Variants in DCLK2 observed in about 807,000 individuals in gnomAD.
DCLK2 encodes doublecortin like kinase 2.
Under a neutral mutation model 78.4 loss-of-function variants are expected in DCLK2, and 31 were observed. That is an observed-to-expected ratio of 0.40 (90% CI 0.30 to 0.53). The LOEUF is 0.53. Ranked by LOEUF, DCLK2 falls within the 20% of genes least tolerant of loss-of-function variation. DCLK2 has a pLI of 0.61. For missense variants in DCLK2, 872 were observed against 973.7 expected (o/e 0.90, Z 1.39); for synonymous variants, 407 against 374.9 (o/e 1.09, Z -0.99).
chr4:150,097,311 A>C (rs1443431797), intron 1 of DCLK2, among the ~76,000 whole-genome samples: 1 of 151,594 alleles, frequency 6.6e-6, no homozygotes, highest in Non-Finnish European at 1.5e-5. Context: ...ACAGGCATGC[A>C]CCACCACTTG....
intron 5 of DCLK2, among the ~76,000 whole-genome samples, chr4:150,218,096 C>A (rs1393737151): frequency 6.8e-6 from 1 of 148,148 alleles, no homozygotes; most frequent in Non-Finnish European, 1.5e-5. Flanking sequence ...CGCCCCCCCT[C>A]CCCCCACAAC....
chr4:150,088,161 A>G lies in DCLK2; in HGVS notation c.421+8713A>G, dbSNP rs145269256. ...TCTTTACTTAATAGTATTTTGCCTT[A>G]TCTGCTGAAGAATCAAGAAAAAAGG... On this transcript the variant is annotated intron_variant, in intron 1 of 15. Transcript: ENST00000296550. Among the ~76,000 whole-genome samples, 98 of 152,300 alleles carry G rather than the reference A, an allele frequency of 6.4e-4. No homozygotes were observed. In the Middle Eastern group the frequency reaches 0.01, roughly 16 times the overall value.
At chr4:150,138,277 A>G (rs542840234) in intron 2 of DCLK2, among the ~76,000 whole-genome samples, 36 of 152,290 alleles carry the variant, frequency 2.4e-4, no homozygotes, top group African/African-American at 8.7e-4. Context: ...ATGTTGTGCA[A>G]GGTAGGTAAT....
chr4:150,203,901 G>T lies in DCLK2; in HGVS notation c.1056+12G>T. On this transcript the variant is annotated intron_variant, in intron 5 of 15. Coordinates refer to ENST00000296550, the MANE Select transcript of DCLK2 (RefSeq NM_001040260.4). ...TCAGAGGATTAAAGGTATGAAATAG[G>T]ATATGTGGCATATTTGTGTGATTTT... The T allele has an allele frequency of 6.3e-7, 1 of 1,593,934 alleles. No individual in the cohort carries two copies. Among genetic ancestry groups the T allele is most frequent in the Non-Finnish European group, 8.6e-7 (1 of 1,162,328 alleles).
chr4:150,137,692 G>T (rs1023582208), intron 2 of DCLK2, among the ~76,000 whole-genome samples: 1 of 152,146 alleles, frequency 6.6e-6, no homozygotes, highest in Non-Finnish European at 1.5e-5. Flanking sequence ...TATAAATAAA[G>T]GATTAAGAGT....
At chr4:150,239,578 G>A (rs760670095) in intron 10 of DCLK2, among the ~76,000 whole-genome samples, 164 bp from the exon 11 acceptor site, 14 of 151,946 alleles carry the variant, frequency 9.2e-5, no homozygotes, top group Non-Finnish European at 1.6e-4. Flanking sequence ...TCCAGCCTGG[G>A]CAACAAAGCG....
intron 2 of DCLK2, among the ~76,000 whole-genome samples, chr4:150,181,880 T>A (rs1737555747): frequency 6.6e-6 from 1 of 152,164 alleles, no homozygotes. Context: ...GGGCTATTTA[T>A]GCTCATTGTA....
At chr4:150,197,709 G>A (rs1013445574) in intron 3 of DCLK2, among the ~76,000 whole-genome samples, 10 of 151,508 alleles carry the variant, frequency 6.6e-5, no homozygotes, top group African/African-American at 2.2e-4. Context: ...GAGCAGAATC[G>A]CTTGAACCTG....
intron 12 of DCLK2, among the ~76,000 whole-genome samples, chr4:150,242,581 A>G (rs958693808): frequency 6.6e-6 from 1 of 152,158 alleles, no homozygotes. Context: ...CCACTTGCAC[A>G]CCTGGTAGGT....
chr4:150,079,240 C>CTT lies in DCLK2; in HGVS notation c.213_214insTT (p.Lys72LeufsTer34). The CTT allele has an allele frequency of 6.2e-7, 1 of 1,609,298 alleles. No individual in the cohort carries two copies. Among genetic ancestry groups the CTT allele is most frequent in the Non-Finnish European group, 8.5e-7 (1 of 1,178,006 alleles). ...AGGCCCTCAGCTCGGAGAAGAAGGCCAAGAAGGCGCGCTTCTACCGGAACG... is the reference window on the plus strand; with the variant it reads ...AGGCCCTCAGCTCGGAGAAGAAGGCCTTAAGAAGGCGCGCTTCTACCGGAACG... On this transcript the variant is annotated frameshift_variant, in exon 1 of 16. Transcript: ENST00000296550. LOFTEE classifies it high-confidence loss of function.
At chr4:150,174,368 T>C (rs1736789346) in intron 2 of DCLK2, among the ~76,000 whole-genome samples, 1 of 152,120 alleles carries the variant, frequency 6.6e-6, no homozygotes, top group Non-Finnish European at 1.5e-5. Flanking sequence ...AGGAAGAGTA[T>C]AGAGGCAGTG....
At chr4:150,141,066 C>CTTTGGGTGT (rs1402324387) in intron 2 of DCLK2, among the ~76,000 whole-genome samples, 1 of 152,148 alleles carries the variant, frequency 6.6e-6, no homozygotes, top group African/African-American at 2.4e-5. Flanking sequence ...CTGTGTGTGG[C>CTTTGGGTGT]TTTGGGTGTT....
At position 150,087,649 on chromosome 4, in the gene DCLK2, T is replaced by C. The variant is rs189343585; in HGVS notation, c.421+8201T>C. Among the ~76,000 whole-genome samples the C allele has an allele frequency of 3.2e-3, 485 of 152,344 alleles. 10 individuals are homozygous for C. The highest frequency in any genetic ancestry group is 0.03 in the Admixed American group (455 of 15,302). ...AATATGATTGGACAAAAGGGCATGATTTAATGTTAATAGACTGAGTTTGGA... is the reference window on the plus strand; with the variant it reads ...AATATGATTGGACAAAAGGGCATGACTTAATGTTAATAGACTGAGTTTGGA... On this transcript the variant is annotated intron_variant, in intron 1 of 15. Transcript: ENST00000296550.
intron 5 of DCLK2, among the ~76,000 whole-genome samples, chr4:150,219,999 T>C (rs995091384): frequency 1.3e-5 from 2 of 152,090 alleles, no homozygotes; most frequent in Admixed American, 6.5e-5. Flanking sequence ...CTATGTGGAA[T>C]GGGAGAGACT....
At chr4:150,246,539 G>A (rs139721291) in intron 12 of DCLK2, among the ~76,000 whole-genome samples, 4 of 152,272 alleles carry the variant, frequency 2.6e-5, no homozygotes, top group Admixed American at 6.5e-5. Flanking sequence ...TTGCACACTC[G>A]CCGGGTAATA....
At position 150,232,391 on chromosome 4, in the gene DCLK2, A is replaced by G; in HGVS notation, c.1354A>G (p.Ile452Val). The G allele has an allele frequency of 1.2e-6, 2 of 1,614,152 alleles. No individual in the cohort carries two copies. Residue 452 changes from isoleucine (I) to valine (V), a missense_variant, in exon 9 of 16, where the codon ATC becomes GTC. Ile to Val is a conservative substitution (Grantham distance 29). Coordinates refer to ENST00000296550, the MANE Select transcript of DCLK2 (RefSeq NM_001040260.4). ...ACTGCGCCGAGTGAAACATCCCAAT[A>G]TCATTATGCTGGTCGAGGAGATGGA... Reference protein sequence around the residue: ...SILRRVKHPNIIMLVEEMETA... With the variant: ...SILRRVKHPNVIMLVEEMETA...
At chr4:150,193,356 T>C (rs1263559057) in intron 3 of DCLK2, 116 bp downstream of exon 3, 1 of 553,130 alleles carries the variant, frequency 1.8e-6, no homozygotes. Flanking sequence ...TGAGGAAAGA[T>C]AGCATTGGCA....
rs1744292881 is a variant in DCLK2, at chr4:150,253,051, C to G, written c.2074-2969C>G. Among the ~76,000 whole-genome samples the G allele has an allele frequency of 2.6e-5, 4 of 152,210 alleles. No homozygotes were observed. The South Asian group carries it at 8.3e-4, about 32-fold the overall frequency. ...TCTGGGGCATGGTTGTGTGGGGGAA[C>G]TTGCGATGCTGCTGTATTGTCCTCC... On this transcript the variant is annotated intron_variant, in intron 15 of 15. Coordinates refer to ENST00000296550, the MANE Select transcript of DCLK2 (RefSeq NM_001040260.4).
At chr4:150,206,494 C>A (rs1208295175) in intron 5 of DCLK2, among the ~76,000 whole-genome samples, 1 of 152,120 alleles carries the variant, frequency 6.6e-6, no homozygotes, top group African/African-American at 2.4e-5. Flanking sequence ...TGTTCTCCAC[C>A]ACTATGCCTG....
Sources: gnomAD v4.1 joint callset for allele counts (sites outside exome capture counted in the v4.1 genomes callset) on GRCh38, gnomAD v4.1.1 for gene constraint, MANE v1.5 for transcripts, NCBI Gene and HGNC (gene_info 2026-07-23, HGNC 2026-07-21) for gene names.